FMNL2: variants seen among roughly 807,000 people sequenced by gnomAD.
The protein encoded by FMNL2 is formin like 2.
FMNL2 carries 51 observed loss-of-function variants against 130.2 expected under a neutral mutation model. The observed-to-expected ratio is 0.39, with a 90% CI of 0.31 to 0.49. The LOEUF is 0.49. Among genes scored for constraint, FMNL2 ranks in the 20% least tolerant of loss-of-function variants. The pLI, the probability that FMNL2 is intolerant of heterozygous loss-of-function variation, is 0.85. For synonymous variants in FMNL2, 465 were observed against 467.1 expected (o/e 1.00, Z 0.06); for missense variants, 977 against 1,316.2 (o/e 0.74, Z 3.99).
At chr2:152,487,046 A>G (rs1006555144) in intron 1 of FMNL2, among the ~76,000 whole-genome samples, 4 of 152,220 alleles carry the variant, frequency 2.6e-5, no homozygotes, top group African/African-American at 7.2e-5. Context: ...ACAAATATTT[A>G]TTGAGTATAT....
At chr2:152,537,791 G>A (rs1204397657) in intron 2 of FMNL2, among the ~76,000 whole-genome samples, 1 of 152,140 alleles carries the variant, frequency 6.6e-6, no homozygotes, top group African/African-American at 2.4e-5. Flanking sequence ...AGATGAGCAT[G>A]CTTATTATAG....
At chr2:152,629,796 T>C (rs1682045835) in intron 19 of FMNL2, 29 bp from the exon 20 acceptor site, 1 of 1,609,920 alleles carries the variant, frequency 6.2e-7, no homozygotes, top group Non-Finnish European at 8.5e-7. Context: ...GCTGTACTGA[T>C]GGGCTTCTGT....
At chr2:152,591,258 C>T (rs62179588) in intron 9 of FMNL2, among the ~76,000 whole-genome samples, 79,944 of 151,660 alleles carry the variant, frequency 0.53, 22,617 homozygotes, top group Middle Eastern at 0.65. Context: ...ATCCGCCCAC[C>T]TTGGCTTCCC....
intron 1 of FMNL2, among the ~76,000 whole-genome samples, chr2:152,508,566 A>G (rs1366457787): frequency 1.3e-5 from 2 of 152,222 alleles, no homozygotes; most frequent in Non-Finnish European, 2.9e-5. Flanking sequence ...GCTATGGTTC[A>G]TCTCTTGAGT....
intron 1 of FMNL2, among the ~76,000 whole-genome samples, chr2:152,421,420 C>G (rs182804640): frequency 1.3e-5 from 2 of 152,296 alleles, no homozygotes; most frequent in Admixed American, 1.3e-4. Context: ...CGTGTTGGGA[C>G]AACAAATCAG....
chr2:152,342,067 G>A lies in FMNL2; in HGVS notation c.117+6347G>A, dbSNP rs556275508. Among the ~76,000 whole-genome samples the A allele has an allele frequency of 2.6e-5, 4 of 152,216 alleles. No individual in the cohort carries two copies. In the South Asian group the frequency reaches 8.3e-4, roughly 32 times the overall value. ...AAAGATCTCCTGGTAGGTGCTTCCT[G>A]GGCTTAAAGAAGAAAAAGATACGTA... On this transcript the variant is annotated intron_variant, in intron 1 of 25. Transcript: ENST00000288670.
rs759936663 is a variant in FMNL2, at chr2:152,335,674, C to G, written c.71C>G (p.Pro24Arg). The change falls in exon 1 of 26, where the codon CCG (proline) becomes CGG (arginine). Residue 24 changes from proline to arginine, a missense_variant. By Grantham distance (103) the Pro-to-Arg change is moderately radical. This residue lies in a region of FMNL2 where 117 missense variants were observed against 134.9 expected (regional missense o/e 0.87). Coordinates refer to ENST00000288670, the MANE Select transcript of FMNL2 (RefSeq NM_052905.4). ...GCGCACAACGTGCCTTTGAAGCTGC[C>G]GATGCCAGAGCCAGGTGAACTGGAG... The part of the protein sequence containing the change: ...FRAHNVPLKL[P>R]MPEPGELEER... 25 of 1,592,732 alleles carry G rather than the reference C, an allele frequency of 1.6e-5. No individual in the cohort carries two copies. The highest frequency in any genetic ancestry group is 1.4e-5 in the Non-Finnish European group (16 of 1,169,576).
intron 1 of FMNL2, among the ~76,000 whole-genome samples, chr2:152,458,388 A>C (rs1019872211): frequency 6.6e-6 from 1 of 152,022 alleles, no homozygotes; most frequent in Admixed American, 6.6e-5. Context: ...GGATGTGTTT[A>C]CTCACTGTTG....
chr2:152,522,356 A>G (rs960305910), intron 2 of FMNL2, among the ~76,000 whole-genome samples: 2 of 152,206 alleles, frequency 1.3e-5, no homozygotes, highest in Non-Finnish European at 2.9e-5. Flanking sequence ...AGGTGCCTCT[A>G]AACTTGTGTG....
chr2:152,425,301 G>C (rs1687145751), intron 1 of FMNL2, among the ~76,000 whole-genome samples: 1 of 152,174 alleles, frequency 6.6e-6, no homozygotes, highest in Non-Finnish European at 1.5e-5. Context: ...AAAGGAATTG[G>C]AGACAGAGTT....
intron 1 of FMNL2, among the ~76,000 whole-genome samples, chr2:152,425,831 T>TG (rs1558853081): frequency 1.3e-5 from 2 of 152,214 alleles, no homozygotes; most frequent in Non-Finnish European, 2.9e-5. Context: ...CAATAGTTCT[T>TG]GGCGGTTTCC....
At position 152,648,559 on chromosome 2, in the gene FMNL2, T is replaced by C. The variant is rs1405044360; in HGVS notation, c.*654T>C. 1 of 152,642 alleles carries C rather than the reference T, an allele frequency of 6.6e-6. No homozygotes were observed. The highest frequency in any genetic ancestry group is 1.9e-4 in the East Asian group (1 of 5,200). 9.5% of individuals were successfully genotyped at this position (152,642 alleles called of 1,614,324 possible). A position where few individuals can be genotyped will look rare whatever the true frequency, so the allele number is the denominator to read the frequency against. On this transcript the variant is annotated 3_prime_UTR_variant, in exon 26 of 26. Coordinates refer to ENST00000288670, the MANE Select transcript of FMNL2 (RefSeq NM_052905.4). ...TGGGGATATAGTGTATAAGACTTAT[T>C]TGCAGTACTGTGTTCTTCAGCTAGA... is the stretch of plus-strand genomic sequence containing the variant.
chr2:152,565,201 CGA>C lies in FMNL2; in HGVS notation c.596+4168_596+4169del, dbSNP rs548350419. On this transcript the variant is annotated intron_variant, in intron 6 of 25. Transcript: ENST00000288670. ...AAGGTCCAAGTTAATGCTATTAACT[CGA>C]GTAAGAAATGACATAGCAAGTAAAT... Among the ~76,000 whole-genome samples, 41 of 152,194 alleles carry C rather than the reference CGA, an allele frequency of 2.7e-4. No homozygotes were observed. In the East Asian group the frequency reaches 7.3e-3, roughly 27 times the overall value.
At chr2:152,437,980 T>G (rs1278070048) in intron 1 of FMNL2, among the ~76,000 whole-genome samples, 1 of 152,172 alleles carries the variant, frequency 6.6e-6, no homozygotes, top group East Asian at 1.9e-4. Flanking sequence ...AAATGAGAGA[T>G]GTTTGTCTTA....
At chr2:152,437,231 G>A (rs1157698490) in intron 1 of FMNL2, among the ~76,000 whole-genome samples, 2 of 152,126 alleles carry the variant, frequency 1.3e-5, no homozygotes, top group African/African-American at 4.8e-5. Flanking sequence ...GTGGGGTGGG[G>A]AAGAGGGACA....
chr2:152,503,138 C>G (rs966866122), intron 1 of FMNL2, among the ~76,000 whole-genome samples: 21 of 152,106 alleles, frequency 1.4e-4, no homozygotes, highest in Admixed American at 6.5e-5. Flanking sequence ...TTATTTAGTA[C>G]CATCACGATA....
rs147035875 is a variant in FMNL2, at chr2:152,593,838, GGA to G, written c.876+12811_876+12812del. ...AACAAGTTTAAACAGAGGTGACTAGGGAGAGAGAGAGAGAGAGAGAGAGTGTG... is the reference window on the plus strand; with the variant it reads ...AACAAGTTTAAACAGAGGTGACTAGGGAGAGAGAGAGAGAGAGAGAGTGTG... On this transcript the variant is annotated intron_variant, in intron 9 of 25. Coordinates refer to ENST00000288670, the MANE Select transcript of FMNL2 (RefSeq NM_052905.4). Among the ~76,000 whole-genome samples, 439 of 84,992 alleles carry G rather than the reference GGA, an allele frequency of 5.2e-3. 2 individuals are homozygous for G. The highest frequency in any genetic ancestry group is 0.031 in the East Asian group (63 of 2,048). 55.8% of individuals were successfully genotyped at this position (84,992 alleles called of 152,430 possible).
chr2:152,414,023 T>G (rs1256113888), intron 1 of FMNL2, among the ~76,000 whole-genome samples: 1 of 152,232 alleles, frequency 6.6e-6, no homozygotes, highest in African/African-American at 2.4e-5. Context: ...TGCATCTGTT[T>G]GCCATAAATG....
chr2:152,617,292 A>G (rs1699006684), intron 13 of FMNL2, 100 bp downstream of exon 13: 3 of 1,011,664 alleles, frequency 3.0e-6, no homozygotes, highest in East Asian at 4.9e-5. Context: ...AGAGGAATGC[A>G]TTGATGCAGC....
Sources: allele counts gnomAD v4.1 joint callset (sites outside exome capture counted in the v4.1 genomes callset), GRCh38; gene constraint gnomAD v4.1.1; regional missense constraint gnomAD v4.1.1; transcripts MANE v1.5; gene names NCBI Gene and HGNC (gene_info 2026-07-23, HGNC 2026-07-21).